The following SLAIN2 variants were observed in gnomAD, a reference collection of about 807,000 sequenced individuals.
The protein encoded by SLAIN2 is SLAIN motif-containing protein 2.
Under a neutral mutation model 56.6 loss-of-function variants are expected in SLAIN2, and 31 were observed. The ratio of observed to expected loss-of-function variants is 0.55; its 90% CI spans 0.41 to 0.74. SLAIN2 has a LOEUF of 0.74. Ranked by LOEUF, SLAIN2 falls within the 30% of genes least tolerant of loss-of-function variation. The pLI is 0.00. For missense variants in SLAIN2, 777 were observed against 754.2 expected (o/e 1.03, Z -0.35); for synonymous variants, 317 against 284.9 (o/e 1.11, Z -1.13).
rs373849837 is a variant in SLAIN2 at position 48,421,975 on chromosome 4, T to A, written c.1680-36T>A. The A allele has an allele frequency of 2.0e-6, 3 of 1,475,348 alleles. No homozygotes were observed. In the African/African-American group the frequency reaches 4.2e-5, roughly 21 times the overall value. The allele number at this position is 1,475,348 out of a possible 1,614,324, so 91.4% of individuals were successfully genotyped here. On this transcript the variant is annotated intron_variant, in intron 7 of 7. Transcript: ENST00000264313. ...GTATGGTACTATTTCATAAAGACAT[T>A]TATCAAATTTTAATTACAAAATTGC... is the stretch of plus-strand genomic sequence containing the variant.
intron 1 of SLAIN2, among the ~76,000 whole-genome samples, chr4:48,342,373 T>A (rs1714736602): frequency 6.6e-6 from 1 of 152,188 alleles, no homozygotes; most frequent in Non-Finnish European, 1.5e-5. Context: ...TGCTGGACCC[T>A]ATTGGGGTCT....
At chr4:48,363,900 C>G (rs1350407478) in intron 1 of SLAIN2, among the ~76,000 whole-genome samples, 5 of 138,468 alleles carry the variant, frequency 3.6e-5, no homozygotes, top group African/African-American at 1.3e-4. Flanking sequence ...ACCTCCCGGA[C>G]GGCACGGCTG....
intron 3 of SLAIN2, among the ~76,000 whole-genome samples, 193 bp from the exon 4 acceptor site, chr4:48,379,497 C>T (rs1715916485): frequency 6.6e-6 from 1 of 151,952 alleles, no homozygotes; most frequent in African/African-American, 2.4e-5. Context: ...TATGCCATAG[C>T]ATATAAAGGA....
At position 48,377,926 on chromosome 4, in the gene SLAIN2, C is replaced by G. The variant is rs754144196; in HGVS notation, c.569C>G (p.Pro190Arg). 2 of 1,613,702 alleles carry G rather than the reference C, an allele frequency of 1.2e-6. No individual in the cohort carries two copies. The highest frequency in any genetic ancestry group is 3.3e-5 in the Admixed American group (2 of 59,950). Residue 190 changes from proline to arginine, a missense_variant, in exon 3 of 8, where the codon CCT becomes CGT. By Grantham distance (103) the Pro-to-Arg change is moderately radical (BLOSUM62 -2). Coordinates refer to ENST00000264313, the MANE Select transcript of SLAIN2 (RefSeq NM_020846.2). ...ALKRQNLYNN[P>R]FNSMSYTSPY... ...AAGAGGCAGAATTTATATAATAATCCTTTCAACTCTATGAGTTACACCAGT... is the reference window on the plus strand; with the variant it reads ...AAGAGGCAGAATTTATATAATAATCGTTTCAACTCTATGAGTTACACCAGT...
chr4:48,395,189 G>T (rs892668114), intron 6 of SLAIN2, among the ~76,000 whole-genome samples: 7 of 152,078 alleles, frequency 4.6e-5, no homozygotes, highest in Non-Finnish European at 7.4e-5. Context: ...TCCAATATTG[G>T]TTCCAAGACA....
intron 6 of SLAIN2, among the ~76,000 whole-genome samples, chr4:48,397,111 A>T (rs973490531): frequency 2.0e-5 from 3 of 152,316 alleles, no homozygotes; most frequent in South Asian, 2.1e-4. Flanking sequence ...GTTGTTGGGC[A>T]CTGAGTGAAG....
chr4:48,376,580 A>AT (rs1169794654), intron 2 of SLAIN2, among the ~76,000 whole-genome samples: 152 of 129,086 alleles, frequency 1.2e-3, no homozygotes, highest in African/African-American at 3.9e-3. Context: ...TGCATAGCAC[A>AT]TTTTTTTTTT....
At chr4:48,398,345 T>G (rs1336606198) in intron 6 of SLAIN2, among the ~76,000 whole-genome samples, 7 of 152,256 alleles carry the variant, frequency 4.6e-5, no homozygotes, top group Non-Finnish European at 1.5e-5. Context: ...TAGGGTTGTT[T>G]GTTTTTTTCT....
At chr4:48,354,261 C>A (rs1482523847) in intron 1 of SLAIN2, among the ~76,000 whole-genome samples, 1 of 152,056 alleles carries the variant, frequency 6.6e-6, no homozygotes, top group Non-Finnish European at 1.5e-5. Flanking sequence ...TAGAAGAGCT[C>A]ATTTTTACAC....
chr4:48,425,299 C>A lies in SLAIN2; in HGVS notation c.*3222C>A, dbSNP rs1049059287. On this transcript the variant is annotated 3_prime_UTR_variant, in exon 8 of 8. Coordinates refer to ENST00000264313, the MANE Select transcript of SLAIN2 (RefSeq NM_020846.2). ...CTTTTTTACCTGCTGTGAATTGATA[C>A]CTAGTTATAAAAAGCTAGCATTTGC... is the stretch of plus-strand genomic sequence containing the variant. The A allele has an allele frequency of 7.9e-5, 12 of 151,884 alleles. No individual in the cohort carries two copies. Among genetic ancestry groups the A allele is most frequent in the African/African-American group, 2.7e-4 (11 of 41,354 alleles). The allele number at this position is 151,884 out of a possible 1,614,324, so 9.4% of individuals were successfully genotyped here.
In SLAIN2 at chr4:48,368,051, C is replaced by CTTTTTTTT. The variant is rs36096623; in HGVS notation, c.390-1792_390-1785dup. Among the ~76,000 whole-genome samples the CTTTTTTTT allele has an allele frequency of 1.5e-4, 13 of 88,818 alleles. 3 individuals are homozygous for CTTTTTTTT. In the East Asian group the frequency reaches 1.6e-3, roughly 11 times the overall value. The allele number at this position is 88,818 out of a possible 152,430, so 58.3% of individuals were successfully genotyped here. A position where few individuals can be genotyped will look rare whatever the true frequency, so the allele number is the denominator to read the frequency against. ...TTCACTGAACGTAGTGTTTTTGAGG[C>CTTTTTTTT]TTTTTTTTTTTTTGACAGTGTTGCT... is the stretch of plus-strand genomic sequence containing the variant. On this transcript the variant is annotated intron_variant, in intron 1 of 7. Coordinates refer to ENST00000264313, the MANE Select transcript of SLAIN2 (RefSeq NM_020846.2).
intron 6 of SLAIN2, among the ~76,000 whole-genome samples, chr4:48,391,510 T>C (rs1438412664): frequency 1.3e-5 from 2 of 152,226 alleles, no homozygotes; most frequent in Admixed American, 6.5e-5. Flanking sequence ...TGCTGGGGCA[T>C]GATGATAATA....
At chr4:48,393,178 G>A (rs1176536464) in intron 6 of SLAIN2, among the ~76,000 whole-genome samples, 1 of 151,890 alleles carries the variant, frequency 6.6e-6, no homozygotes, top group African/African-American at 2.4e-5. Flanking sequence ...TTCCAGACCA[G>A]CCTGGCCAAT....
At chr4:48,394,317 C>T (rs1192118859) in intron 6 of SLAIN2, among the ~76,000 whole-genome samples, 1 of 151,986 alleles carries the variant, frequency 6.6e-6, no homozygotes, top group Non-Finnish European at 1.5e-5. Context: ...ATATTTTGAC[C>T]AATAGACATA....
chr4:48,341,785 A>G lies in SLAIN2; in HGVS notation c.46A>G (p.Lys16Glu), dbSNP rs575385798. The G allele has an allele frequency of 6.5e-7, 1 of 1,529,650 alleles. No individual in the cohort carries two copies. The highest frequency in any genetic ancestry group is 2.6e-5 in the East Asian group (1 of 37,960). The allele number at this position is 1,529,650 out of a possible 1,614,324, so 94.8% of individuals were successfully genotyped here. The part of the protein sequence containing the change: ...SNVNADQEVR[K>E]LQELVKKLEK... Reference sequence around the variant, plus strand: ...CGTGAACGCGGACCAGGAGGTGCGGAAGCTGCAGGAGCTGGTGAAGAAGCT... The same window carrying G: ...CGTGAACGCGGACCAGGAGGTGCGGGAGCTGCAGGAGCTGGTGAAGAAGCT... Residue 16 changes from lysine to glutamate, a missense_variant, in exon 1 of 8, where the codon AAG becomes GAG. Lys to Glu is a moderately conservative substitution (Grantham distance 56). Coordinates refer to ENST00000264313, the MANE Select transcript of SLAIN2 (RefSeq NM_020846.2).
chr4:48,412,697 C>T (rs1186526761), intron 6 of SLAIN2, among the ~76,000 whole-genome samples: 1 of 152,072 alleles, frequency 6.6e-6, no homozygotes, highest in Non-Finnish European at 1.5e-5. Flanking sequence ...GGGGCATTTT[C>T]TGCATCTTAC....
intron 2 of SLAIN2, among the ~76,000 whole-genome samples, chr4:48,374,132 G>C (rs1320719967): frequency 1.3e-5 from 2 of 152,190 alleles, no homozygotes; most frequent in Non-Finnish European, 1.5e-5. Flanking sequence ...CGAAGAAGTT[G>C]CTGGAGAAGA....
intron 3 of SLAIN2, among the ~76,000 whole-genome samples, 158 bp downstream of exon 3, chr4:48,378,218 T>C (rs1253520114): frequency 1.3e-5 from 2 of 152,228 alleles, no homozygotes; most frequent in African/African-American, 4.8e-5. Context: ...CACCAGGTAC[T>C]ATATTAGGCA....
At chr4:48,400,112 G>A (rs1716508572) in intron 6 of SLAIN2, among the ~76,000 whole-genome samples, 1 of 152,124 alleles carries the variant, frequency 6.6e-6, no homozygotes, top group African/African-American at 2.4e-5. Flanking sequence ...GTAGAATTCA[G>A]CTGTGAATCT....
Sources: allele counts gnomAD v4.1 joint callset (sites outside exome capture counted in the v4.1 genomes callset), GRCh38; gene constraint gnomAD v4.1.1; transcripts MANE v1.5; gene names NCBI Gene and HGNC (gene_info 2026-07-23, HGNC 2026-07-21).